Variants in PSTPIP1 observed in about 807,000 individuals in gnomAD.
PSTPIP1 encodes proline-serine-threonine phosphatase interacting protein 1, also known as proline-serine-threonine phosphatase-interacting protein 1.
PSTPIP1 carries 66 observed loss-of-function variants against 69.6 expected under a neutral mutation model. The observed-to-expected ratio is 0.95, with a 90% CI of 0.78 to 1.16. PSTPIP1 has a LOEUF of 1.16. Among genes scored for constraint, PSTPIP1 ranks in the 50% most tolerant of loss-of-function variants. The pLI, the probability that PSTPIP1 is intolerant of heterozygous loss-of-function variation, is 0.00. For missense variants in PSTPIP1, 603 were observed against 557.4 expected (o/e 1.08, Z -0.82); for synonymous variants, 266 against 222.7 (o/e 1.19, Z -1.73).
At chr15:77,021,087 A>T (rs2076151774) in intron 3 of PSTPIP1, among the ~76,000 whole-genome samples, 1 of 152,176 alleles carries the variant, frequency 6.6e-6, no homozygotes, top group Non-Finnish European at 1.5e-5. Context: ...CAGGGTGCAG[A>T]ACGAGGACAA....
intron 4 of PSTPIP1, 62 bp downstream of exon 4, chr15:77,025,380 G>T (rs372385493): frequency 6.3e-6 from 10 of 1,581,842 alleles, no homozygotes; most frequent in African/African-American, 5.4e-5. Context: ...GGAGGGTTTG[G>T]GGGGACAGAA....
Position 77,035,920 on chromosome 15 carries a change from C to A in PSTPIP1, c.1104C>A (p.Tyr368Ter), listed in dbSNP as rs368373680. ...ASPAQEYRAL[Y>*]DYTAQNPDEL... is the part of the protein sequence containing the mutation. ...CAGCCCAGGAGTACCGGGCGCTCTA[C>A]GATTATACAGCGCAGGTGAGGCCTC... Residue 368 changes from tyrosine (Y) to a stop codon, truncating the protein, a stop_gained, in exon 14 of 15, where the codon TAC (tyrosine) becomes TAA (stop). Coordinates refer to ENST00000558012, the MANE Select transcript of PSTPIP1 (RefSeq NM_003978.5). LOFTEE classifies it high-confidence loss of function. 5 of 1,605,838 alleles carry A rather than the reference C, an allele frequency of 3.1e-6. No individual in the cohort carries two copies. The highest frequency in any genetic ancestry group is 4.2e-6 in the Non-Finnish European group (5 of 1,177,838).
chr15:77,034,738 G>A (rs933865191), intron 12 of PSTPIP1, among the ~76,000 whole-genome samples: 1 of 152,198 alleles, frequency 6.6e-6, no homozygotes, highest in Non-Finnish European at 1.5e-5. Flanking sequence ...CCACTAAGAA[G>A]CCCTCTTGCC....
chr15:77,029,404 A>G, intron 7 of PSTPIP1, 125 bp from the exon 8 acceptor site: 1 of 1,098,144 alleles, frequency 9.1e-7, no homozygotes. Context: ...GCATCTGCCC[A>G]TAGTTGGCTC....
At chr15:77,011,408 C>T (rs765410751) in intron 1 of PSTPIP1, among the ~76,000 whole-genome samples, 4 of 152,222 alleles carry the variant, frequency 2.6e-5, no homozygotes, top group African/African-American at 4.8e-5. Flanking sequence ...TGGGACTCGG[C>T]CAGCTGGGCT....
intron 10 of PSTPIP1, 21 bp from the exon 11 acceptor site, chr15:77,032,277 C>T: frequency 6.2e-7 from 1 of 1,610,968 alleles, no homozygotes; most frequent in Non-Finnish European, 8.5e-7. Flanking sequence ...GGGCTGCGGC[C>T]TCTGCTCTTT....
intron 1 of PSTPIP1, chr15:77,015,667 A>G: frequency 3.1e-6 from 1 of 325,972 alleles, no homozygotes; most frequent in Non-Finnish European, 6.2e-6. Flanking sequence ...ACACATCCTG[A>G]GCCTGACTGT....
chr15:77,018,487 G>A lies in PSTPIP1; in HGVS notation c.168G>A (p.Glu56=), dbSNP rs1169458376. The A allele has an allele frequency of 2.8e-5, 44 of 1,584,546 alleles. No individual in the cohort carries two copies. The highest frequency in any genetic ancestry group is 3.8e-5 in the Non-Finnish European group (44 of 1,165,512). The change falls in exon 3 of 15, where the codon GAG becomes GAA. Residue 56 remains glutamate (E), a synonymous_variant. Coordinates refer to ENST00000558012, the MANE Select transcript of PSTPIP1 (RefSeq NM_003978.5). ...AGGCGGAGGAGCGGTACGGGAAGGA[G>A]CTGGTGCAGATCGCACGGAAGGCAG... ...RAQAEERYGK[E]LVQIARKAGG... is the part of the protein sequence containing the mutation.
rs930977656 is a variant in PSTPIP1, at chr15:77,035,862, C to A, written c.1046C>A (p.Ala349Glu). 1.9e-6 allele frequency: 3 copies of A among 1,610,748 alleles called. No homozygotes were observed. Among genetic ancestry groups the A allele is most frequent in the African/African-American group, 1.3e-5 (1 of 74,864 alleles). Residue 349 changes from alanine to glutamate, a missense_variant, in exon 14 of 15, where the codon GCA becomes GAA. Coordinates refer to ENST00000558012, the MANE Select transcript of PSTPIP1 (RefSeq NM_003978.5). ...ERNEGVYTAI[A>E]VQEIQGNPAS... ...AATGAGGGTGTCTACACAGCCATCG[C>A]AGTGCAGGAGATACAGGGAAACCCG...
chr15:77,021,534 T>C (rs1457063297), intron 3 of PSTPIP1, among the ~76,000 whole-genome samples: 1 of 152,074 alleles, frequency 6.6e-6, no homozygotes, highest in Non-Finnish European at 1.5e-5. Context: ...TAAAAATTAG[T>C]TGGGCATGGT....
intron 1 of PSTPIP1, among the ~76,000 whole-genome samples, chr15:77,000,496 C>CACACACAT (rs2075684842): frequency 6.7e-6 from 1 of 149,158 alleles, no homozygotes; most frequent in Non-Finnish European, 1.5e-5. Flanking sequence ...CACACACACA[C>CACACACAT]ACACACATAC....
intron 14 of PSTPIP1, 72 bp from the exon 15 acceptor site, chr15:77,036,973 C>G (rs116799868): frequency 6.4e-7 from 1 of 1,566,622 alleles, no homozygotes; most frequent in East Asian, 2.3e-5. Context: ...GGTGGGGGAA[C>G]GCCAGGCCCC....
chr15:77,036,016 C>T, intron 14 of PSTPIP1, 81 bp downstream of exon 14: 1 of 1,439,206 alleles, frequency 6.9e-7, no homozygotes, highest in Admixed American at 2.5e-5. Context: ...TGCCTTGCGT[C>T]CTCATCTCTC....
chr15:77,027,895 T>G lies in PSTPIP1; in HGVS notation c.398T>G (p.Leu133Arg), dbSNP rs2076319757. 2.6e-6 allele frequency: 4 copies of G among 1,566,056 alleles called. No homozygotes were observed. The highest frequency in any genetic ancestry group is 3.5e-6 in the Non-Finnish European group (4 of 1,156,188). Residue 133 changes from leucine to arginine, a missense_variant, in exon 6 of 15, where the codon CTC becomes CGC. Leu to Arg is a moderately radical substitution (Grantham distance 102). Coordinates refer to ENST00000558012, the MANE Select transcript of PSTPIP1 (RefSeq NM_003978.5). This position sits in a 1 kb window ranked among gnomAD's most constrained non-coding sequence, Gnocchi z 4.3. Reference protein sequence around the residue: ...MDRVQKSKLSLYKKAMESKKT... With the variant: ...MDRVQKSKLSRYKKAMESKKT... ...CGGGTCCAGAAGAGCAAGCTGTCGC[T>G]CTACAAGAAGGCCATGGAGGTGAGC...
chr15:77,013,805 C>T (rs947424282), intron 1 of PSTPIP1, among the ~76,000 whole-genome samples: 34 of 152,322 alleles, frequency 2.2e-4, no homozygotes, highest in African/African-American at 8.2e-4. Context: ...GTGTCCCCCT[C>T]CAAGGTTGGA....
intron 3 of PSTPIP1, among the ~76,000 whole-genome samples, chr15:77,020,263 C>A (rs1020823414): frequency 7.9e-5 from 12 of 152,112 alleles, no homozygotes; most frequent in African/African-American, 2.9e-4. Context: ...TATTCAAGGC[C>A]AGGTGGGGCA....
At chr15:77,033,821 GCA>G (rs67778947) in intron 12 of PSTPIP1, among the ~76,000 whole-genome samples, 4 of 20,750 alleles carry the variant, frequency 1.9e-4, no homozygotes, top group African/African-American at 7.8e-4. Context: ...CTTAGAGAGG[GCA>G]CACACACACC....
chr15:77,001,913 C>G (rs1389415065), intron 1 of PSTPIP1, among the ~76,000 whole-genome samples: 4 of 152,158 alleles, frequency 2.6e-5, no homozygotes, highest in African/African-American at 9.7e-5. Context: ...TGAACGTTTT[C>G]AGGATTGATG....
At chr15:77,019,212 G>A (rs2076114519) in intron 3 of PSTPIP1, among the ~76,000 whole-genome samples, 1 of 152,214 alleles carries the variant, frequency 6.6e-6, no homozygotes, top group Non-Finnish European at 1.5e-5. Context: ...GTGAGTTCAG[G>A]ACACAGCCAC....
Sources: allele counts gnomAD v4.1 joint callset (sites outside exome capture counted in the v4.1 genomes callset), GRCh38; gene constraint gnomAD v4.1.1; non-coding constraint Gnocchi (gnomAD v3.1); transcripts MANE v1.5; gene names NCBI Gene and HGNC (gene_info 2026-07-23, HGNC 2026-07-21).